HTR2A: variants seen among roughly 807,000 people sequenced by gnomAD.
HTR2A encodes 5-hydroxytryptamine receptor 2A.
A neutral mutation model predicts 31.0 loss-of-function variants in HTR2A; 14 were observed. That is an observed-to-expected ratio of 0.45 (90% CI 0.30 to 0.71). HTR2A has a LOEUF of 0.71. Among genes scored for constraint, HTR2A ranks in the 30% least tolerant of loss-of-function variants. The probability of loss-of-function intolerance (pLI) is 0.09; values close to 1 mark genes in which losing one functional copy is unlikely to be tolerated. For missense variants in HTR2A, 442 were observed against 573.3 expected, an observed-to-expected ratio of 0.77 and a Z score of 2.34; for synonymous variants, 209 against 225.2, an observed-to-expected ratio of 0.93 and a Z score of 0.64.
intron 2 of HTR2A, among the ~76,000 whole-genome samples, chr13:46,894,159 T>C (rs1951079691): frequency 6.6e-6 from 1 of 152,034 alleles, no homozygotes; most frequent in Non-Finnish European, 1.5e-5. Flanking sequence ...CCACGCCCCG[T>C]GGGCTGGGGG....
rs6313 is a variant in HTR2A, at chr13:46,895,805, G to A, written c.102C>T (p.Ser34=). The stretch of plus-strand genomic sequence containing the variant: ...ATGCATCAGAAGTGTTAGCTTCTCC[G>A]GAGTTAAAGTCATTACTGTAGAGCC... The part of the protein sequence containing the change: ...DTRLYSNDFN[S]GEANTSDAFN... The change falls in exon 2 of 4, where the codon TCC becomes TCT. Residue 34 remains serine (S), a synonymous_variant. Transcript: ENST00000542664. This position sits in a 1 kb window ranked among gnomAD's most constrained non-coding sequence, Gnocchi z 4.4. 657,018 of 1,613,746 alleles carry A rather than the reference G, an allele frequency of 0.41. 135,757 individuals carry two copies. The highest frequency in any genetic ancestry group is 0.55 in the East Asian group (24,524 of 44,888).
At chr13:46,846,809 C>G (rs1375311092) in intron 3 of HTR2A, among the ~76,000 whole-genome samples, 1 of 152,054 alleles carries the variant, frequency 6.6e-6, no homozygotes, top group African/African-American at 2.4e-5. Flanking sequence ...GTTGTGTTGA[C>G]AAGGAATCAG....
At chr13:46,845,270 G>A (rs1237713753) in intron 3 of HTR2A, among the ~76,000 whole-genome samples, 1 of 152,212 alleles carries the variant, frequency 6.6e-6, no homozygotes, top group African/African-American at 2.4e-5. Flanking sequence ...TGGCATCCCT[G>A]GGAAAGGCAC....
At chr13:46,846,228 G>A (rs1471669511) in intron 3 of HTR2A, among the ~76,000 whole-genome samples, 1 of 152,070 alleles carries the variant, frequency 6.6e-6, no homozygotes, top group Non-Finnish European at 1.5e-5. Context: ...CCCTTCAAGA[G>A]ATGATCATGA....
At chr13:46,879,865 T>C (rs937744881) in intron 3 of HTR2A, among the ~76,000 whole-genome samples, 1 of 152,010 alleles carries the variant, frequency 6.6e-6, no homozygotes, top group Non-Finnish European at 1.5e-5. Flanking sequence ...ATTAGCCAGG[T>C]GTGGTGACAT....
At chr13:46,881,183 C>T (rs928094289) in intron 3 of HTR2A, among the ~76,000 whole-genome samples, 6 of 152,154 alleles carry the variant, frequency 3.9e-5, no homozygotes, top group Admixed American at 3.3e-4. Flanking sequence ...AAGGAGATGT[C>T]CCTAAATTCT....
intron 3 of HTR2A, among the ~76,000 whole-genome samples, chr13:46,852,738 T>A (rs1288160667): frequency 6.6e-6 from 1 of 152,242 alleles, no homozygotes; most frequent in African/African-American, 2.4e-5. Flanking sequence ...CCTGTCCACA[T>A]ACAAGCTATG....
At position 46,833,241 on chromosome 13, in the gene HTR2A, T is replaced by C. The variant is rs1425040962; in HGVS notation, c.*1596A>G. The C allele has an allele frequency of 2.0e-5, 3 of 152,218 alleles. No individual in the cohort carries two copies. The highest frequency in any genetic ancestry group is 2.9e-5 in the Non-Finnish European group (2 of 68,030). The allele number at this position is 152,218 out of a possible 1,614,324, so 9.4% of individuals were successfully genotyped here. A position where few individuals can be genotyped will look rare whatever the true frequency, so the allele number is the denominator to read the frequency against. ...GGAAAACTTATTTTTAAAACTACTC[T>C]CACAGTTGAAACAAACTTGTTTCTG... On this transcript the variant is annotated 3_prime_UTR_variant, in exon 4 of 4. Transcript: ENST00000542664.
At chr13:46,857,140 A>G (rs960446305) in intron 3 of HTR2A, among the ~76,000 whole-genome samples, 5 of 151,972 alleles carry the variant, frequency 3.3e-5, no homozygotes, top group African/African-American at 1.2e-4. Context: ...TCTCTACTAA[A>G]AACACAAAAA....
intron 3 of HTR2A, among the ~76,000 whole-genome samples, 178 bp downstream of exon 3, chr13:46,892,212 A>T (rs1270591544): frequency 1.3e-5 from 2 of 152,264 alleles, no homozygotes; most frequent in Non-Finnish European, 2.9e-5. Context: ...AGCCAGTGAC[A>T]TAAACAGATT....
At chr13:46,851,664 C>A (rs185837939) in intron 3 of HTR2A, among the ~76,000 whole-genome samples, 1 of 152,178 alleles carries the variant, frequency 6.6e-6, no homozygotes, top group Non-Finnish European at 1.5e-5. Context: ...GCATGAAAGG[C>A]AGTTGTGGAT....
chr13:46,846,882 C>T (rs577166431), intron 3 of HTR2A, among the ~76,000 whole-genome samples: 11 of 152,324 alleles, frequency 7.2e-5, no homozygotes, highest in African/African-American at 2.4e-4. Context: ...ACAGAAGGAC[C>T]TGCCACAGTG....
chr13:46,890,680 G>T (rs554438241), intron 3 of HTR2A, among the ~76,000 whole-genome samples: 5 of 152,354 alleles, frequency 3.3e-5, no homozygotes, highest in African/African-American at 1.2e-4. Flanking sequence ...CTGAGGAAAA[G>T]ATGGTTGACC....
chr13:46,849,607 T>C (rs185873423), intron 3 of HTR2A, among the ~76,000 whole-genome samples: 51 of 152,316 alleles, frequency 3.3e-4, no homozygotes, highest in African/African-American at 1.2e-3. Flanking sequence ...ATCAGGGCCT[T>C]GGGACTTGCT....
At chr13:46,841,164 T>C (rs2138188621) in intron 3 of HTR2A, among the ~76,000 whole-genome samples, 1 of 152,328 alleles carries the variant, frequency 6.6e-6, no homozygotes, top group Middle Eastern at 3.4e-3. Flanking sequence ...CATGTGGAAC[T>C]GTGAGTCAAT....
At chr13:46,889,062 A>G (rs1951030757) in intron 3 of HTR2A, among the ~76,000 whole-genome samples, 1 of 152,156 alleles carries the variant, frequency 6.6e-6, no homozygotes, top group Admixed American at 6.5e-5. Context: ...TACTCCAACT[A>G]AAAGACAAAG....
At chr13:46,890,304 T>C (rs1457067624) in intron 3 of HTR2A, among the ~76,000 whole-genome samples, 4 of 152,158 alleles carry the variant, frequency 2.6e-5, no homozygotes, top group African/African-American at 9.7e-5. Flanking sequence ...GATAGCACCA[T>C]TGCACTCCAG....
At position 46,835,027 on chromosome 13, in the gene HTR2A, A is replaced by G; in HGVS notation, c.1226T>C (p.Ile409Thr). 1 of 1,614,154 alleles carries G rather than the reference A, an allele frequency of 6.2e-7. No individual in the cohort carries two copies. The highest frequency in any genetic ancestry group is 8.5e-7 in the Non-Finnish European group (1 of 1,179,992). ...CAAAGCCGGTATTGTGTTCACTAAA[A>G]TTAACTGCAATGGTTTTTTGTTTTC... ...YKENKKPLQL[I>T]LVNTIPALAY... The change falls in exon 4 of 4, where the codon ATT becomes ACT. Residue 409 changes from isoleucine (I) to threonine (T), a missense_variant. This residue lies in a region of HTR2A where 88 missense variants were observed against 83.1 expected (regional missense o/e 1.06). Coordinates refer to ENST00000542664, the MANE Select transcript of HTR2A (RefSeq NM_000621.5).
chr13:46,861,506 T>C (rs1005739920), intron 3 of HTR2A, among the ~76,000 whole-genome samples: 2 of 152,174 alleles, frequency 1.3e-5, no homozygotes, highest in Non-Finnish European at 2.9e-5. Flanking sequence ...TTGGGAGACA[T>C]TGGAAAGGCC....
Sources: gnomAD v4.1 joint callset for allele counts (sites outside exome capture counted in the v4.1 genomes callset) on GRCh38, gnomAD v4.1.1 for gene constraint, gnomAD v4.1.1 regional missense constraint, Gnocchi (gnomAD v3.1) non-coding constraint, MANE v1.5 for transcripts, NCBI Gene and HGNC (gene_info 2026-07-23, HGNC 2026-07-21) for gene names.